Variants in SCFD2 observed in about 807,000 individuals in gnomAD.
SCFD2 encodes sec1 family domain containing 2.
In SCFD2, 54 loss-of-function variants were observed where a neutral mutation model predicts 58.9. That is an observed-to-expected ratio of 0.92 (90% CI 0.74 to 1.15). The LOEUF is 1.15. Ranked by LOEUF, SCFD2 falls within the 50% of genes most tolerant of loss-of-function variation. The pLI is 0.00. For missense variants in SCFD2, 805 were observed against 836.6 expected, an observed-to-expected ratio of 0.96 and a Z score of 0.47; for synonymous variants, 321 against 335.9, an observed-to-expected ratio of 0.96 and a Z score of 0.49.
intron 3 of SCFD2, among the ~76,000 whole-genome samples, chr4:53,297,386 T>C (rs1732077276): frequency 6.6e-6 from 1 of 152,248 alleles, no homozygotes; most frequent in Non-Finnish European, 1.5e-5. Context: ...TCTACCATTA[T>C]GTAATGCCCT....
At position 53,027,969 on chromosome 4, in the gene SCFD2, G is replaced by A. The variant is rs546024606; in HGVS notation, c.1562-107099C>T. Among the ~76,000 whole-genome samples, 7 of 152,006 alleles carry A rather than the reference G, an allele frequency of 4.6e-5. No homozygotes were observed. In the East Asian group the frequency reaches 7.8e-4, roughly 17 times the overall value. On this transcript the variant is annotated intron_variant, in intron 5 of 8. Coordinates refer to ENST00000401642, the MANE Select transcript of SCFD2 (RefSeq NM_152540.4). ...AGTTTTAAGAAAAATATATGTGGGC[G>A]GGCATGGTGGCTCATGCCTGTAATC...
chr4:52,956,038 G>A, intron 5 of SCFD2: 1 of 456,644 alleles, frequency 2.2e-6, no homozygotes, highest in South Asian at 1.5e-5. Flanking sequence ...AGATTTGTTG[G>A]TGAAGAGAAA....
At chr4:53,217,202 A>G (rs4864731) in intron 4 of SCFD2, among the ~76,000 whole-genome samples, 148,578 of 152,108 alleles carry the variant, frequency 0.98, 72,673 homozygotes, top group Middle Eastern at 1. Flanking sequence ...GGATATCCTT[A>G]TTAACTTTCT....
chr4:53,046,164 T>C (rs1723033231), intron 5 of SCFD2, among the ~76,000 whole-genome samples: 1 of 152,196 alleles, frequency 6.6e-6, no homozygotes, highest in African/African-American at 2.4e-5. Flanking sequence ...AAACAAATAT[T>C]CAGTACCTAT....
intron 2 of SCFD2, among the ~76,000 whole-genome samples, chr4:53,326,331 C>A (rs1733197061): frequency 6.6e-6 from 1 of 152,072 alleles, no homozygotes; most frequent in Non-Finnish European, 1.5e-5. Flanking sequence ...TTTGTAGTGA[C>A]AGTGTTTCAC....
intron 5 of SCFD2, among the ~76,000 whole-genome samples, chr4:53,144,293 A>G (rs1726253544): frequency 6.6e-6 from 1 of 151,606 alleles, no homozygotes; most frequent in Non-Finnish European, 1.5e-5. Context: ...TTTAATTAAA[A>G]AAAAAATACA....
intron 4 of SCFD2, among the ~76,000 whole-genome samples, chr4:53,240,130 T>A (rs1488956445): frequency 6.6e-6 from 1 of 152,214 alleles, no homozygotes; most frequent in Non-Finnish European, 1.5e-5. Context: ...ACTGCCACCA[T>A]GTTTTTGCTC....
At chr4:52,955,063 A>C (rs1577857627) in intron 5 of SCFD2, among the ~76,000 whole-genome samples, 1 of 151,680 alleles carries the variant, frequency 6.6e-6, no homozygotes, top group Admixed American at 6.6e-5. Flanking sequence ...CTTTCCTCCC[A>C]CCTTCGAGCT....
intron 3 of SCFD2, among the ~76,000 whole-genome samples, chr4:53,277,307 T>C (rs1172115454): frequency 6.6e-6 from 1 of 152,240 alleles, no homozygotes; most frequent in Non-Finnish European, 1.5e-5. Flanking sequence ...ATATTAAATA[T>C]GTAAGAACAA....
intron 5 of SCFD2, among the ~76,000 whole-genome samples, chr4:53,124,273 T>C (rs545721037): frequency 1.3e-5 from 2 of 152,282 alleles, no homozygotes; most frequent in South Asian, 2.1e-4. Flanking sequence ...CTTCCACTTA[T>C]ATAGGCAAAT....
intron 2 of SCFD2, among the ~76,000 whole-genome samples, chr4:53,329,833 G>A (rs973896653): frequency 1.3e-5 from 2 of 152,004 alleles, no homozygotes; most frequent in Non-Finnish European, 1.5e-5. Flanking sequence ...AGGCAAAGAA[G>A]TTGAAAACTT....
chr4:53,234,456 T>C (rs1189585126), intron 4 of SCFD2, among the ~76,000 whole-genome samples: 1 of 152,160 alleles, frequency 6.6e-6, no homozygotes, highest in Non-Finnish European at 1.5e-5. Flanking sequence ...TTCTGAATGA[T>C]TTTAAAAAAT....
rs1719555490 is a variant in SCFD2, at chr4:52,914,367, C to T, written c.1707+6358G>A. On this transcript the variant is annotated intron_variant, in intron 6 of 8. Transcript: ENST00000401642. ...GTTCTTACAGAGGAATTAGCTCCTA[C>T]AGGATATGAGGTTTTTAAGCCAGGG... Among the ~76,000 whole-genome samples, 8 of 152,292 alleles carry T rather than the reference C, an allele frequency of 5.3e-5. No homozygotes were observed. The South Asian group carries it at 1.7e-3, about 32-fold the overall frequency.
chr4:53,063,980 C>T (rs1473411712), intron 5 of SCFD2, among the ~76,000 whole-genome samples: 1 of 151,856 alleles, frequency 6.6e-6, no homozygotes, highest in African/African-American at 2.4e-5. Flanking sequence ...CCTTCCCTCC[C>T]TCTCTCCTTC....
intron 4 of SCFD2, among the ~76,000 whole-genome samples, chr4:53,149,715 A>G (rs1726450623): frequency 6.6e-6 from 1 of 152,192 alleles, no homozygotes; most frequent in Non-Finnish European, 1.5e-5. Flanking sequence ...AGATGATGCC[A>G]TCTTCCCTCA....
At chr4:53,277,106 G>A (rs1417496040) in intron 3 of SCFD2, among the ~76,000 whole-genome samples, 1 of 152,028 alleles carries the variant, frequency 6.6e-6, no homozygotes. Context: ...CACTATTCCT[G>A]TTTCTAGGAA....
At chr4:52,899,151 T>G (rs985051467) in intron 7 of SCFD2, among the ~76,000 whole-genome samples, 2 of 152,184 alleles carry the variant, frequency 1.3e-5, no homozygotes, top group East Asian at 1.9e-4. Context: ...CCATTTACAT[T>G]TAAGGTTAGT....
intron 5 of SCFD2, among the ~76,000 whole-genome samples, chr4:53,012,728 G>C (rs889798044): frequency 6.6e-6 from 1 of 151,848 alleles, no homozygotes; most frequent in African/African-American, 2.4e-5. Context: ...CGGCAAAAAA[G>C]GCATCTGCAT....
chr4:53,180,221 C>T (rs1156364796), intron 4 of SCFD2, among the ~76,000 whole-genome samples: 1 of 152,184 alleles, frequency 6.6e-6, no homozygotes, highest in Non-Finnish European at 1.5e-5. Context: ...CCACAACACA[C>T]CTACTCCAAA....
Sources: gnomAD v4.1 joint callset for allele counts (sites outside exome capture counted in the v4.1 genomes callset) on GRCh38, gnomAD v4.1.1 for gene constraint, MANE v1.5 for transcripts, NCBI Gene and HGNC (gene_info 2026-07-23, HGNC 2026-07-21) for gene names.